Variants in SERPINA12 observed in about 807,000 individuals in gnomAD.
SERPINA12 encodes serpin A12.
In SERPINA12, 21 loss-of-function variants were observed where a neutral mutation model predicts 25.9. That is an observed-to-expected ratio of 0.81 (90% CI 0.58 to 1.17). The LOEUF is 1.17. Among genes scored for constraint, SERPINA12 ranks in the 50% most tolerant of loss-of-function variants. The pLI is 0.00. For synonymous variants in SERPINA12, 220 were observed against 196.0 expected, an observed-to-expected ratio of 1.12 and a Z score of -1.02; for missense variants, 562 against 508.3, an observed-to-expected ratio of 1.11 and a Z score of -1.02.
At chr14:94,512,114 A>G (rs1212068600), upstream of SERPINA12, among the ~76,000 whole-genome samples, 4 of 152,076 alleles carry the variant, frequency 2.6e-5, no homozygotes, top group East Asian at 7.8e-4. Flanking sequence ...AACAAAACAA[A>G]ACAAGAGTTC....
intron 3 of SERPINA12, among the ~76,000 whole-genome samples, chr14:94,490,877 C>T: frequency 6.6e-6 from 1 of 152,170 alleles, no homozygotes; most frequent in East Asian, 1.9e-4. Context: ...GAGGCTTCTC[C>T]TCCTTCCCCA....
At chr14:94,498,875 G>A (rs7161421) in intron 1 of SERPINA12, among the ~76,000 whole-genome samples, 49,995 of 152,032 alleles carry the variant, frequency 0.33, 9,862 homozygotes, top group African/African-American at 0.56. Flanking sequence ...AACCCCCTAA[G>A]CTTTGGGGCA....
At chr14:94,490,698 A>C (rs1900141472) in intron 3 of SERPINA12, among the ~76,000 whole-genome samples, 1 of 151,756 alleles carries the variant, frequency 6.6e-6, no homozygotes, top group East Asian at 1.9e-4. Flanking sequence ...TCCCTCCCAC[A>C]ATTGCCTCAG....
chr14:94,488,291 C>A (rs1247030107), intron 4 of SERPINA12, among the ~76,000 whole-genome samples: 1 of 152,038 alleles, frequency 6.6e-6, no homozygotes, highest in Admixed American at 6.6e-5. Context: ...TTCAGAGCAG[C>A]GGGCTCAGCT....
intron 3 of SERPINA12, among the ~76,000 whole-genome samples, chr14:94,491,039 C>G (rs552725743): frequency 6.6e-6 from 1 of 152,316 alleles, no homozygotes; most frequent in Non-Finnish European, 1.5e-5. Context: ...CATCAACAGG[C>G]CCAACGACTC....
upstream of SERPINA12, chr14:94,510,346 T>C: frequency 1.3e-6 from 1 of 798,680 alleles, no homozygotes; most frequent in Non-Finnish European, 1.5e-6. Context: ...AAAAAGAGCA[T>C]TTGCTCAACA....
chr14:94,489,289 A>G (rs1054336735), intron 4 of SERPINA12, among the ~76,000 whole-genome samples: 23 of 151,934 alleles, frequency 1.5e-4, no homozygotes, highest in Admixed American at 6.5e-4. Flanking sequence ...AAAAGAAAGA[A>G]AGAAAGACGG....
In SERPINA12 at chr14:94,501,818, A is replaced by G. The variant is rs140223059; in HGVS notation, c.-33-3388T>C. On this transcript the variant is annotated intron_variant, in intron 1 of 4. Transcript: ENST00000677451. Reference sequence around the variant, plus strand: ...GCGAACATCTGGCCTTTCTCCCCCAAACAGCCAACACCAGCCCCATTCCGG... The same window carrying G: ...GCGAACATCTGGCCTTTCTCCCCCAGACAGCCAACACCAGCCCCATTCCGG... Among the ~76,000 whole-genome samples the G allele has an allele frequency of 8.6e-4, 131 of 151,938 alleles. 1 individual carries two copies. The highest frequency in any genetic ancestry group is 3.0e-3 in the African/African-American group (125 of 41,400).
chr14:94,508,482 C>T lies in SERPINA12; in HGVS notation c.-34+860G>A, dbSNP rs147010132. On this transcript the variant is annotated intron_variant, in intron 1 of 4. Coordinates refer to ENST00000677451, the MANE Select transcript of SERPINA12 (RefSeq NM_001382267.1). The stretch of plus-strand genomic sequence containing the variant: ...TTCAGAACATTCGAGAAAAGGTGAA[C>T]AATTCCATAAATGCTATTAGGAAAC... 7.9e-3 allele frequency among the ~76,000 whole-genome samples: 1,200 copies of T among 151,948 alleles called. 6 individuals carry two copies. Among genetic ancestry groups the T allele is most frequent in the Non-Finnish European group, 0.012 (840 of 67,964 alleles).
At chr14:94,488,437 C>A (rs1036137405) in intron 4 of SERPINA12, among the ~76,000 whole-genome samples, 1 of 151,758 alleles carries the variant, frequency 6.6e-6, no homozygotes, top group Non-Finnish European at 1.5e-5. Flanking sequence ...CATCCCCGCA[C>A]CCATCTCTGC....
chr14:94,501,854 C>G (rs1450641578), intron 1 of SERPINA12, among the ~76,000 whole-genome samples: 1 of 152,186 alleles, frequency 6.6e-6, no homozygotes, highest in Non-Finnish European at 1.5e-5. Flanking sequence ...GCCTTTCCAT[C>G]TGTCATCACG....
chr14:94,487,416 T>C lies in SERPINA12; in HGVS notation c.1132A>G (p.Met378Val). ...AAGTGAQTLP[M>V]ETPLVVKIDK... ...ATCTTGACGACGAGTGGTGTCTCCA[T>C]GGGCAGAGTCTGTGCTCCGGTGCCA... Residue 378 changes from methionine to valine, a missense_variant, in exon 5 of 5, where the codon ATG becomes GTG. Coordinates refer to ENST00000677451, the MANE Select transcript of SERPINA12 (RefSeq NM_001382267.1). 1.9e-6 allele frequency: 3 copies of C among 1,614,110 alleles called. No homozygotes were observed. The highest frequency in any genetic ancestry group is 1.7e-6 in the Non-Finnish European group (2 of 1,179,998).
intron 1 of SERPINA12, among the ~76,000 whole-genome samples, chr14:94,499,434 G>T (rs1900618917): frequency 6.6e-6 from 1 of 152,190 alleles, no homozygotes; most frequent in South Asian, 2.1e-4. Flanking sequence ...GCAGAGAGAT[G>T]CTAAAAGCAT....
intron 3 of SERPINA12, among the ~76,000 whole-genome samples, chr14:94,490,846 A>C (rs1900149634): frequency 6.6e-6 from 1 of 152,152 alleles, no homozygotes; most frequent in African/African-American, 2.4e-5. Flanking sequence ...TCCAAGGTGA[A>C]GCATTCCAGG....
intron 4 of SERPINA12, among the ~76,000 whole-genome samples, chr14:94,489,092 T>C (rs1218424649): frequency 1.4e-5 from 2 of 140,716 alleles, no homozygotes; most frequent in African/African-American, 5.4e-5. Context: ...GCAAGACTCC[T>C]TCAAAAAACA....
chr14:94,500,657 G>T (rs1354358061), intron 1 of SERPINA12, among the ~76,000 whole-genome samples: 1 of 152,150 alleles, frequency 6.6e-6, no homozygotes, highest in Admixed American at 6.5e-5. Context: ...GGAAGGCACG[G>T]CAGGCAGGGA....
At chr14:94,499,026 T>A (rs1900595747) in intron 1 of SERPINA12, among the ~76,000 whole-genome samples, 1 of 152,192 alleles carries the variant, frequency 6.6e-6, no homozygotes, top group Non-Finnish European at 1.5e-5. Flanking sequence ...TGGACTAACC[T>A]TTAACTCAGT....
upstream of SERPINA12, among the ~76,000 whole-genome samples, chr14:94,513,051 G>A (rs961797939): frequency 6.6e-6 from 1 of 152,226 alleles, no homozygotes; most frequent in African/African-American, 2.4e-5. Context: ...ACCGAGGGTA[G>A]CTCTGGAAGC....
chr14:94,497,727 T>C, intron 2 of SERPINA12, 37 bp downstream of exon 2: 2 of 1,559,902 alleles, frequency 1.3e-6, no homozygotes, highest in Non-Finnish European at 1.7e-6. Context: ...CTAGTGGTCA[T>C]CCTATTCTTT....
Sources: allele counts gnomAD v4.1 joint callset (sites outside exome capture counted in the v4.1 genomes callset), GRCh38; gene constraint gnomAD v4.1.1; transcripts MANE v1.5; gene names NCBI Gene and HGNC (gene_info 2026-07-23, HGNC 2026-07-21).